PTPRD: variants seen among roughly 807,000 people sequenced by gnomAD.
PTPRD encodes protein tyrosine phosphatase receptor type D.
Under a neutral mutation model 214.5 loss-of-function variants are expected in PTPRD, and 34 were observed. That is an observed-to-expected ratio of 0.16 (90% confidence interval 0.12 to 0.21). PTPRD has a LOEUF of 0.21. Ranked by LOEUF, PTPRD falls within the 10% of genes least tolerant of loss-of-function variation. PTPRD has a pLI of 1.00. For missense variants in PTPRD, 2,545 were observed against 2,398.7 expected, an observed-to-expected ratio of 1.06 and a Z score of -1.27; for synonymous variants, 1,128 against 845.7, an observed-to-expected ratio of 1.33 and a Z score of -5.79.
rs192404884 is a variant in PTPRD, at chr9:9,642,618, C to T, written c.-286-67837G>A. Among the ~76,000 whole-genome samples the T allele has an allele frequency of 6.1e-3, 925 of 152,086 alleles. 5 individuals carry two copies. Among genetic ancestry groups the T allele is most frequent in the Non-Finnish European group, 8.2e-3 (557 of 67,994 alleles). On this transcript the variant is annotated intron_variant, in intron 7 of 45. Transcript: ENST00000381196. ...TCATCTTGATTTTGTTATTGGGCCACGAGAAATAGCAGCCGGACCCACACT... is the reference window on the plus strand; with the variant it reads ...TCATCTTGATTTTGTTATTGGGCCATGAGAAATAGCAGCCGGACCCACACT...
At chr9:9,072,124 C>G (rs936906500) in intron 10 of PTPRD, among the ~76,000 whole-genome samples, 23 of 151,962 alleles carry the variant, frequency 1.5e-4, no homozygotes, top group Non-Finnish European at 2.8e-4. Context: ...CATAGTGTTA[C>G]CAAACTTTAA....
intron 37 of PTPRD, among the ~76,000 whole-genome samples, chr9:8,387,166 G>C (rs1323216775): frequency 6.6e-6 from 1 of 152,182 alleles, no homozygotes; most frequent in African/African-American, 2.4e-5. Flanking sequence ...ACTTGCAAGA[G>C]CAAAGAGTAA....
At chr9:9,636,642 G>C (rs1240581487) in intron 7 of PTPRD, among the ~76,000 whole-genome samples, 3 of 152,182 alleles carry the variant, frequency 2.0e-5, no homozygotes, top group Admixed American at 1.3e-4. Flanking sequence ...TTTGGGTATA[G>C]TCTCTGAAAG....
At chr9:9,364,410 G>C (rs2057263863) in intron 9 of PTPRD, among the ~76,000 whole-genome samples, 1 of 151,450 alleles carries the variant, frequency 6.6e-6, no homozygotes, top group Non-Finnish European at 1.5e-5. Context: ...GAGTGTTGGA[G>C]AAGGGAATGT....
intron 14 of PTPRD, among the ~76,000 whole-genome samples, chr9:8,572,367 C>T (rs1022216258): frequency 6.6e-6 from 1 of 151,926 alleles, no homozygotes; most frequent in Non-Finnish European, 1.5e-5. Flanking sequence ...GTTTATGATC[C>T]AAAGATAGAG....
chr9:9,287,917 C>A (rs1369365880), intron 9 of PTPRD, among the ~76,000 whole-genome samples: 1 of 151,494 alleles, frequency 6.6e-6, no homozygotes, highest in African/African-American at 2.4e-5. Context: ...CCTTTGAAAG[C>A]ATGACTTTTT....
At chr9:9,621,625 T>C (rs1337012706) in intron 7 of PTPRD, among the ~76,000 whole-genome samples, 2 of 152,280 alleles carry the variant, frequency 1.3e-5, no homozygotes, top group Non-Finnish European at 2.9e-5. Flanking sequence ...CAAATAGGCA[T>C]TACCCTTCCT....
chr9:9,651,897 C>T (rs532538824), intron 7 of PTPRD, among the ~76,000 whole-genome samples: 85 of 131,916 alleles, frequency 6.4e-4, no homozygotes, highest in African/African-American at 2.4e-3. Flanking sequence ...TGCAGTGGAG[C>T]GATCTTGGCT....
At chr9:9,028,983 C>G (rs1455614028) in intron 10 of PTPRD, among the ~76,000 whole-genome samples, 1 of 151,856 alleles carries the variant, frequency 6.6e-6, no homozygotes, top group Non-Finnish European at 1.5e-5. Flanking sequence ...ATGGTAGCCA[C>G]TAGTCACATA....
intron 14 of PTPRD, among the ~76,000 whole-genome samples, chr9:8,610,141 G>C (rs537291712): frequency 1.4e-4 from 20 of 142,576 alleles, no homozygotes; most frequent in Non-Finnish European, 2.8e-4. Flanking sequence ...TTTGTTAAGT[G>C]ATCTTTATCA....
chr9:9,598,950 G>T (rs1368266735), intron 7 of PTPRD, among the ~76,000 whole-genome samples: 1 of 151,886 alleles, frequency 6.6e-6, no homozygotes, highest in Non-Finnish European at 1.5e-5. Context: ...ACAGTTCTTG[G>T]TTCCTAAGCC....
intron 14 of PTPRD, among the ~76,000 whole-genome samples, chr9:8,603,881 A>C (rs2154279975): frequency 6.6e-6 from 1 of 152,356 alleles, no homozygotes; most frequent in Middle Eastern, 3.4e-3. Flanking sequence ...ATTAGAAGAA[A>C]GGCTACAATG....
At chr9:9,817,689 G>T (rs1161161175) in intron 5 of PTPRD, among the ~76,000 whole-genome samples, 2 of 152,112 alleles carry the variant, frequency 1.3e-5, no homozygotes, top group African/African-American at 2.4e-5. Context: ...ACGGGCTAAG[G>T]GGTTAGGGGT....
In PTPRD at chr9:10,412,232, G is replaced by C. The variant is rs189562592; in HGVS notation, c.-599-71215C>G. Among the ~76,000 whole-genome samples the C allele has an allele frequency of 4.6e-5, 7 of 151,706 alleles. No homozygotes were observed. In the East Asian group the frequency reaches 1.4e-3, roughly 30 times the overall value. Reference sequence around the variant, plus strand: ...CATAATTAGAAATGAAAAAAGGAATGTTACCACTGACCCCACAGAAATAAA... The same window carrying C: ...CATAATTAGAAATGAAAAAAGGAATCTTACCACTGACCCCACAGAAATAAA... On this transcript the variant is annotated intron_variant, in intron 2 of 45. Coordinates refer to ENST00000381196, the MANE Select transcript of PTPRD (RefSeq NM_002839.4).
chr9:8,353,996 G>T (rs2076341650), intron 39 of PTPRD, among the ~76,000 whole-genome samples: 4 of 129,728 alleles, frequency 3.1e-5, no homozygotes, highest in Admixed American at 8.2e-5. Flanking sequence ...GTCTCACTCT[G>T]TTGCCAGGCT....
At chr9:9,170,525 A>G (rs2099912433) in intron 10 of PTPRD, among the ~76,000 whole-genome samples, 1 of 152,258 alleles carries the variant, frequency 6.6e-6, no homozygotes, top group Non-Finnish European at 1.5e-5. Flanking sequence ...TCAGTTCCAA[A>G]TTATAGTATT....
chr9:9,652,872 T>C (rs893661142), intron 7 of PTPRD, among the ~76,000 whole-genome samples: 2 of 152,142 alleles, frequency 1.3e-5, no homozygotes, highest in East Asian at 1.9e-4. Context: ...CCTCAGCCTT[T>C]GAAAGTGCTG....
chr9:10,456,102 T>C (rs2098915170), intron 2 of PTPRD, among the ~76,000 whole-genome samples: 3 of 151,984 alleles, frequency 2.0e-5, no homozygotes, highest in South Asian at 4.1e-4. Context: ...AATACACAGA[T>C]AGTTTGGGCT....
intron 12 of PTPRD, among the ~76,000 whole-genome samples, chr9:8,707,935 T>G (rs75775839): frequency 0.029 from 4,481 of 152,264 alleles, 118 homozygotes; most frequent in African/African-American, 0.062. Flanking sequence ...TCCTTGTATG[T>G]GCCAGCAGTA....
Sources: allele counts gnomAD v4.1 joint callset (sites outside exome capture counted in the v4.1 genomes callset), GRCh38; gene constraint gnomAD v4.1.1; transcripts MANE v1.5; gene names NCBI Gene and HGNC (gene_info 2026-07-23, HGNC 2026-07-21).